The following KLHL14 variants were observed in gnomAD, a reference collection of about 807,000 sequenced individuals.
KLHL14 encodes the protein kelch like family member 14.
Under a neutral mutation model 64.3 loss-of-function variants are expected in KLHL14, and 22 were observed. The ratio of observed to expected loss-of-function variants is 0.34; its 90% CI spans 0.24 to 0.49. The LOEUF (loss-of-function observed/expected upper bound fraction) is 0.49, where lower values mean the gene tolerates loss of function less well. Among genes scored for constraint, KLHL14 ranks in the 20% least tolerant of loss-of-function variants. The probability of loss-of-function intolerance (pLI) is 0.99; values close to 1 mark genes in which losing one functional copy is unlikely to be tolerated. For missense variants in KLHL14, 661 were observed against 789.0 expected, an observed-to-expected ratio of 0.84 and a Z score of 1.94; for synonymous variants, 322 against 333.4, an observed-to-expected ratio of 0.97 and a Z score of 0.37.
At chr18:32,700,518 C>T (rs965357017) in intron 3 of KLHL14, among the ~76,000 whole-genome samples, 2 of 152,134 alleles carry the variant, frequency 1.3e-5, no homozygotes, top group Non-Finnish European at 2.9e-5. Flanking sequence ...ATATATGGGT[C>T]ATTTTTGTTA....
intron 3 of KLHL14, among the ~76,000 whole-genome samples, chr18:32,736,370 C>G (rs2050166132): frequency 6.6e-6 from 1 of 152,034 alleles, no homozygotes; most frequent in Non-Finnish European, 1.5e-5. Context: ...AAATTAGATG[C>G]TAACATATTT....
At chr18:32,723,763 A>AGGGGTTGCTAGG (rs1318584919) in intron 3 of KLHL14, among the ~76,000 whole-genome samples, 4 of 152,160 alleles carry the variant, frequency 2.6e-5, no homozygotes, top group African/African-American at 9.7e-5. Context: ...TACTAGCACC[A>AGGGGTTGCTAGG]GGGGTTGGAG....
At chr18:32,693,399 CACACACACACACACAGAGAGAGAGAGAG>C (rs1322122570) in intron 4 of KLHL14, among the ~76,000 whole-genome samples, 1 of 120,528 alleles carries the variant, frequency 8.3e-6, no homozygotes, top group Admixed American at 8.7e-5. Context: ...CACACACACA[CACACACACACACACAGAGAGAGAGAGAG>C]AGAGAGAGAG....
intron 3 of KLHL14, among the ~76,000 whole-genome samples, chr18:32,728,657 T>A (rs2050119070): frequency 6.6e-6 from 1 of 152,190 alleles, no homozygotes; most frequent in Admixed American, 6.5e-5. Flanking sequence ...TTTTGTCTTG[T>A]TGTAATGGTA....
At chr18:32,745,404 A>T (rs549035150) in intron 2 of KLHL14, 1 of 152,212 alleles carries the variant, frequency 6.6e-6, no homozygotes, top group Non-Finnish European at 1.5e-5. Context: ...AACACATTTG[A>T]GTGGTTTTCT....
chr18:32,730,711 T>C (rs1210953685), intron 3 of KLHL14, among the ~76,000 whole-genome samples: 1 of 152,190 alleles, frequency 6.6e-6, no homozygotes, highest in Admixed American at 6.5e-5. Context: ...TGATACATCA[T>C]TGCCTTAGCA....
At chr18:32,718,227 T>A (rs2050056198) in intron 3 of KLHL14, among the ~76,000 whole-genome samples, 1 of 152,214 alleles carries the variant, frequency 6.6e-6, no homozygotes, top group South Asian at 2.1e-4. Context: ...GACTATAGAA[T>A]AGTATCCAAA....
intron 3 of KLHL14, among the ~76,000 whole-genome samples, chr18:32,722,760 G>C (rs2050086024): frequency 6.6e-6 from 1 of 152,148 alleles, no homozygotes; most frequent in South Asian, 2.1e-4. Context: ...TGGATTTTGA[G>C]ACCAGCCTGG....
Position 32,680,664 on chromosome 18 carries a change from G to T in KLHL14, c.1239-65C>A, listed in dbSNP as rs2049834311. Reference sequence around the variant, plus strand: ...TGTGAAATGTTACCTTTCGAAATAAGATAAGCACCACACAGCTAGTCAGGG... The same window carrying T: ...TGTGAAATGTTACCTTTCGAAATAATATAAGCACCACACAGCTAGTCAGGG... On this transcript the variant is annotated intron_variant, in intron 5 of 8. Transcript: ENST00000359358. The surrounding 1 kb of genome is among the most constrained non-coding windows in gnomAD (Gnocchi z 4.8). 4.8e-6 allele frequency: 7 copies of T among 1,472,720 alleles called. No homozygotes were observed. Among genetic ancestry groups the T allele is most frequent in the Non-Finnish European group, 4.6e-6 (5 of 1,090,170 alleles). The allele number at this position is 1,472,720 out of a possible 1,614,324, so 91.2% of individuals were successfully genotyped here. A position where few individuals can be genotyped will look rare whatever the true frequency, so the allele number is the denominator to read the frequency against.
intron 3 of KLHL14, among the ~76,000 whole-genome samples, chr18:32,709,577 T>C (rs2050008783): frequency 6.6e-6 from 1 of 152,120 alleles, no homozygotes; most frequent in Admixed American, 6.6e-5. Flanking sequence ...CCTTCCCAAG[T>C]TGCTAGGACT....
intron 5 of KLHL14, among the ~76,000 whole-genome samples, chr18:32,684,177 A>G (rs575864372): frequency 6.6e-5 from 10 of 152,214 alleles, no homozygotes; most frequent in Non-Finnish European, 1.2e-4. Context: ...TGAAGAATTA[A>G]ATTCTAAATC....
chr18:32,675,521 G>A (rs537521793), intron 8 of KLHL14, among the ~76,000 whole-genome samples: 1 of 152,262 alleles, frequency 6.6e-6, no homozygotes, highest in East Asian at 1.9e-4. Context: ...AAGAATCAGA[G>A]CTAGGATTGA....
chr18:32,757,955 A>C (rs2050290392), intron 2 of KLHL14, among the ~76,000 whole-genome samples: 1 of 152,210 alleles, frequency 6.6e-6, no homozygotes, highest in Non-Finnish European at 1.5e-5. Flanking sequence ...GTTCCTGCAG[A>C]AGGTGGCCTC....
intron 2 of KLHL14, among the ~76,000 whole-genome samples, chr18:32,767,376 A>G (rs955725045): frequency 6.6e-6 from 1 of 152,242 alleles, no homozygotes; most frequent in Non-Finnish European, 1.5e-5. Flanking sequence ...TTACTAATAA[A>G]GGAATAAAAC....
chr18:32,716,333 G>T (rs927566420), intron 3 of KLHL14, among the ~76,000 whole-genome samples: 2 of 151,546 alleles, frequency 1.3e-5, no homozygotes, highest in South Asian at 4.1e-4. Context: ...TGTATCAGCT[G>T]TAAAAAAAAC....
At chr18:32,712,539 C>A (rs772843868) in intron 3 of KLHL14, among the ~76,000 whole-genome samples, 2 of 152,142 alleles carry the variant, frequency 1.3e-5, no homozygotes, top group African/African-American at 4.8e-5. Context: ...TGTCTTGCGT[C>A]ATTAATTTTC....
intron 2 of KLHL14, among the ~76,000 whole-genome samples, chr18:32,766,838 T>A (rs1260451223): frequency 6.6e-5 from 10 of 152,202 alleles, no homozygotes; most frequent in African/African-American, 2.2e-4. Context: ...CCTTTACTTT[T>A]CTAGGCTTAA....
chr18:32,685,077 G>A (rs2049869949), intron 5 of KLHL14, among the ~76,000 whole-genome samples: 1 of 152,000 alleles, frequency 6.6e-6, no homozygotes, highest in Non-Finnish European at 1.5e-5. Context: ...GACCTGACAT[G>A]ATATACCATA....
intron 2 of KLHL14, among the ~76,000 whole-genome samples, chr18:32,747,409 G>A (rs1323209221): frequency 1.3e-5 from 2 of 152,124 alleles, no homozygotes; most frequent in African/African-American, 4.8e-5. Context: ...TTGTTTTCCT[G>A]CAACTAGACA....
Sources: allele counts gnomAD v4.1 joint callset (sites outside exome capture counted in the v4.1 genomes callset), GRCh38; gene constraint gnomAD v4.1.1; non-coding constraint Gnocchi (gnomAD v3.1); transcripts MANE v1.5; gene names NCBI Gene and HGNC (gene_info 2026-07-23, HGNC 2026-07-21).